TULP4: variants seen among roughly 807,000 people sequenced by gnomAD.
TULP4 encodes tubby-related protein 4.
TULP4 carries 16 observed loss-of-function variants against 129.0 expected under a neutral mutation model. The ratio of observed to expected loss-of-function variants is 0.12; its 90% CI spans 0.08 to 0.19. The LOEUF (loss-of-function observed/expected upper bound fraction) is 0.19, where lower values mean the gene tolerates loss of function less well. TULP4 is among the 10% of genes least tolerant of loss of function. The pLI is 1.00. For synonymous variants in TULP4, 998 were observed against 854.0 expected (o/e 1.17, Z -2.94); for missense variants, 1,842 against 2,059.1 (o/e 0.89, Z 2.04).
chr6:158,388,769 C>T (rs538875580), intron 1 of TULP4, among the ~76,000 whole-genome samples: 1 of 151,864 alleles, frequency 6.6e-6, no homozygotes, highest in African/African-American at 2.4e-5. Flanking sequence ...TTTTTGAAGA[C>T]ATCAAAGTAA....
chr6:158,277,979 T>C (rs567374182), upstream of TULP4, among the ~76,000 whole-genome samples: 1 of 152,318 alleles, frequency 6.6e-6, no homozygotes, highest in East Asian at 1.9e-4. Context: ...TGGAATTCTC[T>C]TGACTTCTTT....
At chr6:158,263,095 G>T (rs187704071) in intron 1 of TULP4, among the ~76,000 whole-genome samples, 1 of 152,324 alleles carries the variant, frequency 6.6e-6, no homozygotes, top group East Asian at 1.9e-4. Flanking sequence ...ATTACCTGTG[G>T]TACTTCAGAA....
At chr6:158,333,287 G>C (rs535460082) in intron 1 of TULP4, among the ~76,000 whole-genome samples, 1 of 152,282 alleles carries the variant, frequency 6.6e-6, no homozygotes, top group Admixed American at 6.5e-5. Context: ...TGGGGCCCTC[G>C]TGATGAGATT....
At chr6:158,477,301 C>A (rs1779845499) in intron 6 of TULP4, among the ~76,000 whole-genome samples, 1 of 151,844 alleles carries the variant, frequency 6.6e-6, no homozygotes, top group South Asian at 2.1e-4. Flanking sequence ...GGGAGGAGGA[C>A]AGAGGATAAA....
chr6:158,259,508 G>A (rs918210179), intron 1 of TULP4, among the ~76,000 whole-genome samples: 2 of 152,204 alleles, frequency 1.3e-5, no homozygotes, highest in Admixed American at 1.3e-4. Context: ...AGTAATCCAA[G>A]GTGAATTGAA....
At chr6:158,276,233 G>A (rs1314863875) in intron 1 of TULP4, among the ~76,000 whole-genome samples, 1 of 151,770 alleles carries the variant, frequency 6.6e-6, no homozygotes, top group Non-Finnish European at 1.5e-5. Flanking sequence ...GCCTCCCAAA[G>A]TGCTGGGATT....
chr6:158,432,712 T>C (rs1185861212), intron 3 of TULP4, among the ~76,000 whole-genome samples: 1 of 152,174 alleles, frequency 6.6e-6, no homozygotes, highest in Non-Finnish European at 1.5e-5. Flanking sequence ...AATAGAAAAA[T>C]TAGCTGGGCA....
chr6:158,377,864 G>A (rs1006223899), intron 1 of TULP4, among the ~76,000 whole-genome samples: 8 of 152,136 alleles, frequency 5.3e-5, no homozygotes, highest in African/African-American at 1.9e-4. Context: ...CCAAAACACA[G>A]TACTTAAAAC....
At chr6:158,376,103 C>T (rs1409191330) in intron 1 of TULP4, among the ~76,000 whole-genome samples, 1 of 152,206 alleles carries the variant, frequency 6.6e-6, no homozygotes, top group African/African-American at 2.4e-5. Context: ...CCTGCTGACC[C>T]AGCCCCCTTT....
intron 8 of TULP4, among the ~76,000 whole-genome samples, chr6:158,488,997 C>T (rs1205226508): frequency 2.0e-5 from 3 of 152,146 alleles, no homozygotes. Flanking sequence ...CTGGGAGTTC[C>T]CACCGCACAG....
At chr6:158,236,664 T>C (rs1320953312) in intron 1 of TULP4, among the ~76,000 whole-genome samples, 1 of 152,066 alleles carries the variant, frequency 6.6e-6, no homozygotes, top group Non-Finnish European at 1.5e-5. Flanking sequence ...CTAGCTGAAA[T>C]AGTAGAAGTA....
intron 1 of TULP4, among the ~76,000 whole-genome samples, chr6:158,334,518 A>T (rs1383042690): frequency 1.3e-5 from 2 of 152,260 alleles, no homozygotes; most frequent in Non-Finnish European, 2.9e-5. Flanking sequence ...ACTGATCAGC[A>T]ATAGACATGA....
intron 1 of TULP4, among the ~76,000 whole-genome samples, chr6:158,260,819 CTTTTCTT>C (rs1562497918): frequency 1.3e-4 from 19 of 144,434 alleles, no homozygotes; most frequent in Non-Finnish European, 1.7e-4. Context: ...CTTTTCTTTT[CTTTTCTT>C]TTTTTTTTTT....
chr6:158,332,989 C>A (rs947214475), intron 1 of TULP4, among the ~76,000 whole-genome samples: 2 of 152,144 alleles, frequency 1.3e-5, no homozygotes, highest in Non-Finnish European at 2.9e-5. Flanking sequence ...TTTTAGAAAT[C>A]ATGAATTTAC....
intron 1 of TULP4, among the ~76,000 whole-genome samples, chr6:158,292,087 T>G (rs1778952592): frequency 6.6e-6 from 1 of 152,236 alleles, no homozygotes; most frequent in Non-Finnish European, 1.5e-5. Flanking sequence ...TTTCCTAAAT[T>G]GGGACAGTTT....
At chr6:158,262,432 C>T (rs961434100) in intron 1 of TULP4, among the ~76,000 whole-genome samples, 3 of 152,128 alleles carry the variant, frequency 2.0e-5, no homozygotes, top group African/African-American at 7.2e-5. Context: ...GTTTCAGAGG[C>T]ACATTCTCAG....
Position 158,503,432 on chromosome 6 carries a change from C to A in TULP4, c.3769C>A (p.Pro1257Thr), listed in dbSNP as rs774739941. 3 of 1,613,904 alleles carry A rather than the reference C, an allele frequency of 1.9e-6. No individual in the cohort carries two copies. In the African/African-American group the frequency reaches 4.0e-5, roughly 22 times the overall value. ...SSTCSSLQLP[P>T]VALHPWSSYS... ...CACGTGCTCTAGTTTACAGCTGCCA[C>A]CTGTCGCCTTGCATCCATGGAGTTC... Residue 1257 changes from proline to threonine, a missense_variant, in exon 13 of 14, where the codon CCT (proline) becomes ACT (threonine). Physicochemically the swap from Pro to Thr is conservative, Grantham distance 38. Transcript: ENST00000367097. The surrounding 1 kb of genome is among the most constrained non-coding windows in gnomAD (Gnocchi z 4.3).
chr6:158,318,571 C>T (rs1779545129), intron 1 of TULP4, among the ~76,000 whole-genome samples: 1 of 152,144 alleles, frequency 6.6e-6, no homozygotes, highest in Admixed American at 6.5e-5. Context: ...AAATAACCTG[C>T]CTAAATTCAT....
At chr6:158,419,985 C>T (rs967350787) in intron 2 of TULP4, among the ~76,000 whole-genome samples, 3 of 152,146 alleles carry the variant, frequency 2.0e-5, no homozygotes, top group Non-Finnish European at 4.4e-5. Flanking sequence ...AGACAACATA[C>T]TTTTTTCTCA....
Sources: allele counts gnomAD v4.1 joint callset (sites outside exome capture counted in the v4.1 genomes callset), GRCh38; gene constraint gnomAD v4.1.1; non-coding constraint Gnocchi (gnomAD v3.1); transcripts MANE v1.5; gene names NCBI Gene and HGNC (gene_info 2026-07-23, HGNC 2026-07-21).